The following DSCAM variants were observed in gnomAD, a reference collection of about 807,000 sequenced individuals.
DSCAM encodes cell adhesion molecule DSCAM.
DSCAM carries 47 observed loss-of-function variants against 217.7 expected under a neutral mutation model. That is an observed-to-expected ratio of 0.22 (90% CI 0.17 to 0.28). DSCAM has a LOEUF of 0.28. Ranked by LOEUF, DSCAM falls within the 10% of genes least tolerant of loss-of-function variation. The probability of loss-of-function intolerance (pLI) is 1.00; values close to 1 mark genes in which losing one functional copy is unlikely to be tolerated. For synonymous variants in DSCAM, 1,056 were observed against 1,015.3 expected (o/e 1.04, Z -0.76); for missense variants, 2,080 against 2,618.3 (o/e 0.79, Z 4.49).
At chr21:40,438,837 T>A (rs2145909663) in intron 3 of DSCAM, among the ~76,000 whole-genome samples, 1 of 152,156 alleles carries the variant, frequency 6.6e-6, no homozygotes, top group Admixed American at 6.5e-5. Context: ...GATTCACAGA[T>A]TTCACCCCTA....
intron 3 of DSCAM, among the ~76,000 whole-genome samples, chr21:40,602,250 C>T (rs994843842): frequency 6.6e-6 from 1 of 151,834 alleles, no homozygotes; most frequent in Non-Finnish European, 1.5e-5. Flanking sequence ...TTTGTAGAGA[C>T]AGGGTTTGTC....
intron 3 of DSCAM, among the ~76,000 whole-genome samples, chr21:40,558,960 C>T (rs933207013): frequency 2.7e-4 from 41 of 152,074 alleles, no homozygotes; most frequent in Non-Finnish European, 2.9e-5. Flanking sequence ...AAACAGTGCC[C>T]GATTAAAGGA....
intron 28 of DSCAM, among the ~76,000 whole-genome samples, chr21:40,058,429 T>A (rs1422937157): frequency 2.0e-5 from 3 of 152,216 alleles, no homozygotes; most frequent in Non-Finnish European, 4.4e-5. Context: ...TTATCCATTA[T>A]CTGCCTCTCT....
At chr21:40,352,990 C>T (rs181849026) in intron 5 of DSCAM, among the ~76,000 whole-genome samples, 5 of 152,244 alleles carry the variant, frequency 3.3e-5, no homozygotes, top group African/African-American at 7.2e-5. Flanking sequence ...GTTTGAGCCC[C>T]GTACTTTGGG....
chr21:40,037,025 TAAG>T lies in DSCAM; in HGVS notation c.5686+5343_5686+5345del, dbSNP rs2088638919. ...ATTGATGGGACGTATTTCAAAATAA[TAAG>T]AGCTATCTATGACAAACCCACAGCC... On this transcript the variant is annotated intron_variant, in intron 32 of 32. Transcript: ENST00000400454. Among the ~76,000 whole-genome samples the T allele has an allele frequency of 1.3e-5, 2 of 150,240 alleles. 1 individual carries two copies. Among genetic ancestry groups the T allele is most frequent in the African/African-American group, 5.0e-5 (2 of 39,860 alleles).
Position 40,687,045 on chromosome 21 carries a change from C to T in DSCAM, c.508+5765G>A, listed in dbSNP as rs562584284. Among the ~76,000 whole-genome samples, 4 of 152,204 alleles carry T rather than the reference C, an allele frequency of 2.6e-5. No individual in the cohort carries two copies. The East Asian group carries it at 5.8e-4, about 22-fold the overall frequency. ...CTTTCTAATTCCAGTCTGATGTGCA[C>T]GTTCTGAGCTGAGAATACTTTCCAG... On this transcript the variant is annotated intron_variant, in intron 3 of 32. Transcript: ENST00000400454.
In DSCAM at chr21:40,412,317, G is replaced by T. The variant is rs146928448; in HGVS notation, c.509-43072C>A. Among the ~76,000 whole-genome samples the T allele has an allele frequency of 4.7e-3, 714 of 152,300 alleles. 11 individuals are homozygous for T. Among genetic ancestry groups the T allele is most frequent in the African/African-American group, 0.016 (684 of 41,556 alleles). On this transcript the variant is annotated intron_variant, in intron 3 of 32. Coordinates refer to ENST00000400454, the MANE Select transcript of DSCAM (RefSeq NM_001389.5). ...CTTTGCAACTGGGTAACAAGAAGAG[G>T]CTGGGAACAGTTTGGAGGGCTCAGA...
intron 5 of DSCAM, among the ~76,000 whole-genome samples, chr21:40,348,940 G>A (rs1369055524): frequency 6.6e-6 from 1 of 151,488 alleles, no homozygotes; most frequent in Non-Finnish European, 1.5e-5. Context: ...AGGAGATGGA[G>A]ACCATCCTGG....
intron 3 of DSCAM, among the ~76,000 whole-genome samples, chr21:40,492,583 A>G (rs2076084777): frequency 6.6e-6 from 1 of 152,138 alleles, no homozygotes; most frequent in Non-Finnish European, 1.5e-5. Flanking sequence ...AGAAAATACA[A>G]TCGAGGAGCA....
chr21:40,682,643 G>GA (rs1442820400), intron 3 of DSCAM, among the ~76,000 whole-genome samples: 3 of 56,330 alleles, frequency 5.3e-5, no homozygotes, highest in African/African-American at 1.7e-4. Flanking sequence ...GAAAGAAAGA[G>GA]GAAGGGAAGG....
intron 27 of DSCAM, among the ~76,000 whole-genome samples, chr21:40,063,737 CGTATGTGGGAGCA>C (rs2089162088): frequency 6.6e-6 from 1 of 152,144 alleles, no homozygotes; most frequent in Admixed American, 6.5e-5. Context: ...TGAAAGTATA[CGTATGTGGGAGCA>C]TTTCCATCTC....
intron 1 of DSCAM, among the ~76,000 whole-genome samples, chr21:40,830,550 C>G (rs1348360234): frequency 6.6e-6 from 1 of 152,168 alleles, no homozygotes; most frequent in Non-Finnish European, 1.5e-5. Context: ...AGGAAGACAG[C>G]CTGGAAGTCA....
rs555283822 is a variant in DSCAM at position 40,327,693 on chromosome 21, G to C, written c.1783+10408C>G. Among the ~76,000 whole-genome samples, 72 of 151,942 alleles carry C rather than the reference G, an allele frequency of 4.7e-4. No homozygotes were observed. In the South Asian group the frequency reaches 6.2e-3, roughly 13 times the overall value. ...GTTAGCTGTAGGTTTGTCATGTATG[G>C]CCTTTATTATGTTGAGGAACATTCC... On this transcript the variant is annotated intron_variant, in intron 8 of 32. Coordinates refer to ENST00000400454, the MANE Select transcript of DSCAM (RefSeq NM_001389.5).
chr21:40,566,668 T>C (rs1194106757), intron 3 of DSCAM, among the ~76,000 whole-genome samples: 1 of 152,176 alleles, frequency 6.6e-6, no homozygotes, highest in Non-Finnish European at 1.5e-5. Flanking sequence ...AATAATTTCA[T>C]TGGCTGGAAC....
At chr21:40,201,630 G>A (rs777148965) in intron 11 of DSCAM, among the ~76,000 whole-genome samples, 88 of 152,068 alleles carry the variant, frequency 5.8e-4, no homozygotes, top group Non-Finnish European at 6.6e-4. Context: ...TAGTAGAGAC[G>A]GGGTTTCTCC....
intron 3 of DSCAM, among the ~76,000 whole-genome samples, chr21:40,424,868 C>A (rs1439761894): frequency 6.6e-6 from 1 of 151,800 alleles, no homozygotes; most frequent in African/African-American, 2.4e-5. Flanking sequence ...ACAAGGTGGG[C>A]AGATCACTTA....
chr21:40,288,760 G>A lies in DSCAM; in HGVS notation c.2182+7295C>T, dbSNP rs368763696. Among the ~76,000 whole-genome samples, 64 of 152,290 alleles carry A rather than the reference G, an allele frequency of 4.2e-4. No homozygotes were observed. In the South Asian group the frequency reaches 8.9e-3, roughly 21 times the overall value. ...TAATAGCTAATACATACTGACTAAT[G>A]GCTATGTGCCAGAAGCCATAATAAA... On this transcript the variant is annotated intron_variant, in intron 10 of 32. Coordinates refer to ENST00000400454, the MANE Select transcript of DSCAM (RefSeq NM_001389.5).
chr21:40,321,254 C>T (rs2074255656), intron 8 of DSCAM, among the ~76,000 whole-genome samples: 1 of 152,150 alleles, frequency 6.6e-6, no homozygotes. Flanking sequence ...TCTAAATTTT[C>T]AAACAAAAAC....
chr21:40,618,766 T>C (rs938521056), intron 3 of DSCAM: 2 of 151,428 alleles, frequency 1.3e-5, no homozygotes, highest in African/African-American at 2.4e-5. Flanking sequence ...AATGGAGAGG[T>C]GGCAGCTGGT....
Sources: gnomAD v4.1 joint callset for allele counts (sites outside exome capture counted in the v4.1 genomes callset) on GRCh38, gnomAD v4.1.1 for gene constraint, MANE v1.5 for transcripts, NCBI Gene and HGNC (gene_info 2026-07-23, HGNC 2026-07-21) for gene names.